AFG2A: variants seen among roughly 807,000 people sequenced by gnomAD.
AFG2A encodes the protein AAA ATPase AFG2A, also known as ATPase family gene 2 protein homolog A.
the AFG2A span, among the ~76,000 whole-genome samples, chr4:123,070,766 T>C: frequency 6.6e-6 from 1 of 152,190 alleles, no homozygotes; most frequent in African/African-American, 2.4e-5. Context: ...CTGAGAAAAC[T>C]GAGCCTCACA....
chr4:123,131,820 A>G, the AFG2A span, among the ~76,000 whole-genome samples: 5 of 152,122 alleles, frequency 3.3e-5, no homozygotes, highest in South Asian at 2.1e-4. Context: ...TCTGCTTTCA[A>G]TTTTTTGATA....
chr4:122,944,212 A>T, the AFG2A span, among the ~76,000 whole-genome samples: 14 of 152,108 alleles, frequency 9.2e-5, no homozygotes, highest in Non-Finnish European at 1.9e-4. Context: ...GTTCTCTTTG[A>T]TAATATCCTG....
chr4:122,947,458 G>A, the AFG2A span: 1 of 1,613,506 alleles, frequency 6.2e-7, no homozygotes, highest in Non-Finnish European at 8.5e-7. Flanking sequence ...ATACGTTGGA[G>A]CAGACTTGAA....
At chr4:123,028,100 T>C in the AFG2A span, 1,795 of 1,111,132 alleles carry the variant, frequency 1.6e-3, 8 homozygotes, top group Non-Finnish European at 2.1e-3. Context: ...TTTGCAGTTC[T>C]TCTGTTAATG....
chr4:123,033,940 A>G, the AFG2A span, among the ~76,000 whole-genome samples: 1 of 152,158 alleles, frequency 6.6e-6, no homozygotes, highest in Admixed American at 6.5e-5. Context: ...AGAATTTAAT[A>G]TCAAAAGAGG....
the AFG2A span, among the ~76,000 whole-genome samples, chr4:123,052,597 C>T: frequency 6.6e-6 from 1 of 152,168 alleles, no homozygotes; most frequent in Non-Finnish European, 1.5e-5. Context: ...TCTTTAGAGA[C>T]CTTCCAAGAA....
the AFG2A span, among the ~76,000 whole-genome samples, chr4:123,132,597 C>CAT: frequency 0.075 from 10,473 of 140,260 alleles, 1,183 homozygotes; most frequent in African/African-American, 0.25. Flanking sequence ...GATGTGTGTA[C>CAT]ATATATATAT....
At chr4:122,952,748 A>G in the AFG2A span, among the ~76,000 whole-genome samples, 3 of 152,176 alleles carry the variant, frequency 2.0e-5, no homozygotes, top group African/African-American at 7.2e-5. Context: ...TCCCTGGGGC[A>G]AGATGGTAAA....
the AFG2A span, chr4:122,979,282 G>A: frequency 6.2e-7 from 1 of 1,614,222 alleles, no homozygotes; most frequent in East Asian, 2.2e-5. Context: ...CCTCCCTGAT[G>A]TCAAGGTGGC....
the AFG2A span, among the ~76,000 whole-genome samples, chr4:123,224,933 G>C: frequency 6.6e-6 from 1 of 152,144 alleles, no homozygotes; most frequent in Non-Finnish European, 1.5e-5. Flanking sequence ...TCTCATTGTG[G>C]TTTTGATTTG....
the AFG2A span, among the ~76,000 whole-genome samples, chr4:123,016,310 C>T: frequency 0.012 from 1,728 of 149,132 alleles, 39 homozygotes; most frequent in African/African-American, 0.04. Flanking sequence ...GCAGAGACGC[C>T]CCTCACTTCC....
the AFG2A span, among the ~76,000 whole-genome samples, chr4:123,114,660 C>A: frequency 6.6e-6 from 1 of 152,198 alleles, no homozygotes; most frequent in Non-Finnish European, 1.5e-5. Context: ...AGACCCAGGC[C>A]CACAGCCACA....
the AFG2A span, among the ~76,000 whole-genome samples, chr4:123,102,564 T>C: frequency 1.3e-5 from 2 of 152,080 alleles, no homozygotes; most frequent in Non-Finnish European, 2.9e-5. Context: ...TAGAAATATC[T>C]AACTGTATGA....
At chr4:123,069,280 G>T in the AFG2A span, among the ~76,000 whole-genome samples, 219 of 152,240 alleles carry the variant, frequency 1.4e-3, 4 homozygotes, top group East Asian at 0.034. Flanking sequence ...TGCACAAAAG[G>T]CCATTCAGTC....
At chr4:123,161,113 T>C in the AFG2A span, among the ~76,000 whole-genome samples, 1 of 152,200 alleles carries the variant, frequency 6.6e-6, no homozygotes, top group Non-Finnish European at 1.5e-5. Context: ...ATAAAAGCCA[T>C]GTTTCTTCAG....
the AFG2A span, among the ~76,000 whole-genome samples, chr4:123,246,484 T>A: frequency 2.6e-5 from 4 of 152,178 alleles, no homozygotes; most frequent in Non-Finnish European, 5.9e-5. Context: ...CCAAACTCCT[T>A]GGCATTACAT....
chr4:122,993,232 A>G, the AFG2A span, among the ~76,000 whole-genome samples: 3 of 151,798 alleles, frequency 2.0e-5, no homozygotes, highest in Non-Finnish European at 4.4e-5. Context: ...ACCTCAGGTG[A>G]TCTACTCTCT....
the AFG2A span, among the ~76,000 whole-genome samples, chr4:123,139,497 CAGTT>C: frequency 0.02 from 3,063 of 152,036 alleles, 98 homozygotes; most frequent in African/African-American, 0.069. Flanking sequence ...ATCCATCTGT[CAGTT>C]AGAATTTTGA....
chr4:122,942,291 A>T, the AFG2A span, among the ~76,000 whole-genome samples: 1 of 148,388 alleles, frequency 6.7e-6, no homozygotes, highest in Non-Finnish European at 1.5e-5. Context: ...TAAGCTATTG[A>T]TTATTGCCAC....
Sources: gnomAD v4.1 joint callset for allele counts (sites outside exome capture counted in the v4.1 genomes callset) on GRCh38, gnomAD v4.1.1 for gene constraint, MANE v1.5 for transcripts, NCBI Gene and HGNC (gene_info 2026-07-23, HGNC 2026-07-21) for gene names.